Variants in OR6N1 observed in about 807,000 individuals in gnomAD.
OR6N1 encodes olfactory receptor family 6 subfamily N member 1.
For synonymous variants in OR6N1, 170 were observed against 150.7 expected (o/e 1.13, Z -0.94); for missense variants, 394 against 371.7 (o/e 1.06, Z -0.49).
the OR6N1 span, among the ~76,000 whole-genome samples, chr1:158,814,423 G>T: frequency 1.3e-5 from 2 of 152,124 alleles, no homozygotes; most frequent in Non-Finnish European, 2.9e-5. Context: ...CTTAGACAGG[G>T]TCTTAGACCT....
chr1:158,835,627 G>T, the OR6N1 span, among the ~76,000 whole-genome samples: 2 of 95,188 alleles, frequency 2.1e-5, no homozygotes, highest in Admixed American at 1.4e-4. Flanking sequence ...GGGGCGGGGG[G>T]TGGGTGTTAA....
chr1:158,797,718 T>C, the OR6N1 span, among the ~76,000 whole-genome samples: 2 of 152,168 alleles, frequency 1.3e-5, no homozygotes. Flanking sequence ...GCATATATGT[T>C]AATGAATGAT....
the OR6N1 span, among the ~76,000 whole-genome samples, chr1:158,784,110 AC>A: frequency 6.6e-6 from 1 of 151,872 alleles, no homozygotes; most frequent in Admixed American, 6.5e-5. Flanking sequence ...CCTCTAAAAA[AC>A]AAAAAAAAGA....
chr1:158,827,235 CA>C, the OR6N1 span, among the ~76,000 whole-genome samples: 2 of 152,278 alleles, frequency 1.3e-5, no homozygotes, highest in East Asian at 1.9e-4. Context: ...AATGAAAACA[CA>C]AGGATAGTTG....
Position 158,766,605 on chromosome 1 carries a change from A to T in OR6N1, c.78T>A (p.Tyr26Ter). The change falls in exon 2 of 2, where the codon TAT (tyrosine) becomes TAA (stop). Residue 26 changes from tyrosine to a stop codon, truncating the protein, a stop_gained. Transcript: ENST00000641846. LOFTEE classifies it low-confidence loss of function (END_TRUNC). ...GFPHLQGVQI[Y>*]LFLLLLLIYL... ...AAATGAGAAGCAACAAGAGGAAGAG[A>T]TAAATCTGGACACCCTGGAGATGGG... 6.2e-7 allele frequency: 1 copy of T among 1,614,068 alleles called. No homozygotes were observed. The highest frequency in any genetic ancestry group is 8.5e-7 in the Non-Finnish European group (1 of 1,180,014).
At chr1:158,826,657 G>A in the OR6N1 span, among the ~76,000 whole-genome samples, 1 of 152,160 alleles carries the variant, frequency 6.6e-6, no homozygotes, top group South Asian at 2.1e-4. Flanking sequence ...GCACCCAAAG[G>A]TGACCTGTGA....
chr1:158,799,787 A>T, the OR6N1 span, among the ~76,000 whole-genome samples: 3 of 152,146 alleles, frequency 2.0e-5, no homozygotes, highest in African/African-American at 7.2e-5. Context: ...TTGAGACTGC[A>T]GGAGTCTGAG....
At chr1:158,837,662 T>C in the OR6N1 span, among the ~76,000 whole-genome samples, 36 of 151,840 alleles carry the variant, frequency 2.4e-4, 1 homozygote, top group African/African-American at 8.7e-4. Context: ...GTGATATATA[T>C]GTATATATAA....
the OR6N1 span, among the ~76,000 whole-genome samples, chr1:158,786,121 T>C: frequency 6.6e-6 from 1 of 152,130 alleles, no homozygotes; most frequent in Admixed American, 6.5e-5. Context: ...AACGAAAGAC[T>C]AATATCCAGA....
chr1:158,818,824 C>T, the OR6N1 span, among the ~76,000 whole-genome samples: 2 of 152,126 alleles, frequency 1.3e-5, no homozygotes, highest in Non-Finnish European at 2.9e-5. Flanking sequence ...GCCTTGGACC[C>T]ATTGCTGAAC....
Position 158,771,425 on chromosome 1 carries a change from G to T in OR6N1, c.-19+596C>A, listed in dbSNP as rs79128799. ...AAAAAGAGGGCAATTGAGATGACTT[G>T]TGCAGCTCTTTAGCTCATCAGTTAC... On this transcript the variant is annotated intron_variant, in intron 1 of 1. Transcript: ENST00000641846. Among the ~76,000 whole-genome samples the T allele has an allele frequency of 8.3e-3, 1,261 of 152,242 alleles. 20 individuals carry two copies. The highest frequency in any genetic ancestry group is 0.028 in the African/African-American group (1,150 of 41,534).
the OR6N1 span, among the ~76,000 whole-genome samples, chr1:158,829,642 T>C: frequency 1.3e-5 from 2 of 152,338 alleles, no homozygotes; most frequent in East Asian, 3.9e-4. Context: ...TTCCAAACTG[T>C]TACCTGCTAC....
At chr1:158,798,901 G>A in the OR6N1 span, among the ~76,000 whole-genome samples, 1 of 152,160 alleles carries the variant, frequency 6.6e-6, no homozygotes, top group Non-Finnish European at 1.5e-5. Context: ...AAGCAGAGCA[G>A]AACACACAAA....
At chr1:158,805,161 G>C in the OR6N1 span, among the ~76,000 whole-genome samples, 30 of 152,328 alleles carry the variant, frequency 2.0e-4, no homozygotes, top group Middle Eastern at 6.8e-3. Flanking sequence ...TACATTGATA[G>C]TATTTCATTT....
upstream of OR6N1, among the ~76,000 whole-genome samples, chr1:158,772,973 A>G (rs1657461244): frequency 6.6e-6 from 1 of 152,224 alleles, no homozygotes; most frequent in Non-Finnish European, 1.5e-5. Context: ...CAGATAAAAA[A>G]TTTAAAAAGT....
chr1:158,812,806 G>A, the OR6N1 span, among the ~76,000 whole-genome samples: 2 of 152,206 alleles, frequency 1.3e-5, no homozygotes, highest in South Asian at 4.1e-4. Flanking sequence ...CTAAAGTACA[G>A]CTAAAAAACT....
the OR6N1 span, among the ~76,000 whole-genome samples, chr1:158,806,903 T>G: frequency 6.8e-6 from 1 of 148,108 alleles, no homozygotes; most frequent in Admixed American, 6.9e-5. Context: ...CTTGGGAGGC[T>G]GAGGCAGGAG....
At chr1:158,768,798 T>C (rs143786592) in intron 1 of OR6N1, among the ~76,000 whole-genome samples, 1 of 152,364 alleles carries the variant, frequency 6.6e-6, no homozygotes, top group African/African-American at 2.4e-5. Flanking sequence ...TGTGCCTCCA[T>C]CCTTACATCC....
the OR6N1 span, among the ~76,000 whole-genome samples, chr1:158,779,018 C>CAAAAAAAAAAAAAAAAAAAAAAAAA: frequency 1.2e-5 from 1 of 86,408 alleles, no homozygotes; most frequent in African/African-American, 5.6e-5. Flanking sequence ...GACTGCGTCT[C>CAAAAAAAAAAAAAAAAAAAAAAAAA]AAAAAAAAAA....
Sources: allele counts gnomAD v4.1 joint callset (sites outside exome capture counted in the v4.1 genomes callset), GRCh38; gene constraint gnomAD v4.1.1; transcripts MANE v1.5; gene names NCBI Gene and HGNC (gene_info 2026-07-23, HGNC 2026-07-21).